ADRA1B: variants seen among roughly 807,000 people sequenced by gnomAD.
ADRA1B encodes the protein alpha-1B adrenergic receptor.
Under a neutral mutation model 17.9 loss-of-function variants are expected in ADRA1B, and 17 were observed. That is an observed-to-expected ratio of 0.95 (90% CI 0.65 to 1.42). The LOEUF is 1.42. ADRA1B is among the 40% of genes most tolerant of loss of function. The probability of loss-of-function intolerance (pLI) is 0.00; values close to 1 mark genes in which losing one functional copy is unlikely to be tolerated. For synonymous variants in ADRA1B, 366 were observed against 327.6 expected, an observed-to-expected ratio of 1.12 and a Z score of -1.27; for missense variants, 681 against 722.1, an observed-to-expected ratio of 0.94 and a Z score of 0.65.
chr5:159,901,422 G>A (rs1272695308), intron 1 of ADRA1B, among the ~76,000 whole-genome samples: 1 of 112,328 alleles, frequency 8.9e-6, no homozygotes. Flanking sequence ...GGAGAAGGGG[G>A]AGGGAGAGGG....
chr5:159,891,447 G>C (rs745565350), intron 1 of ADRA1B, among the ~76,000 whole-genome samples: 3 of 152,122 alleles, frequency 2.0e-5, no homozygotes, highest in Non-Finnish European at 2.9e-5. Context: ...AAGAAGTAGG[G>C]TTCCGCATGA....
At chr5:159,927,329 C>G (rs1453706889) in intron 1 of ADRA1B, among the ~76,000 whole-genome samples, 1 of 149,958 alleles carries the variant, frequency 6.7e-6, no homozygotes, top group Non-Finnish European at 1.5e-5. Flanking sequence ...ATAGAGACCT[C>G]TAAAGGCCTA....
chr5:159,923,946 A>G (rs1341493380), intron 1 of ADRA1B, among the ~76,000 whole-genome samples: 1 of 152,220 alleles, frequency 6.6e-6, no homozygotes, highest in Non-Finnish European at 1.5e-5. Context: ...TGAGGGAACT[A>G]GAGTTCAGAG....
intron 1 of ADRA1B, among the ~76,000 whole-genome samples, chr5:159,955,482 T>G: frequency 6.6e-6 from 1 of 152,178 alleles, no homozygotes; most frequent in South Asian, 2.1e-4. Flanking sequence ...GCATGGAGCC[T>G]AATGGTCTAA....
intron 1 of ADRA1B, among the ~76,000 whole-genome samples, chr5:159,892,756 C>G (rs1185005636): frequency 6.6e-6 from 1 of 152,140 alleles, no homozygotes; most frequent in Non-Finnish European, 1.5e-5. Context: ...TAGGTTGGTT[C>G]CACATCTTTG....
intron 1 of ADRA1B, among the ~76,000 whole-genome samples, chr5:159,907,991 G>T (rs1301774867): frequency 6.9e-6 from 1 of 144,444 alleles, no homozygotes; most frequent in East Asian, 1.9e-4. Flanking sequence ...ACACAGAGTT[G>T]GTTGCCATCA....
rs7727642 is a variant in ADRA1B at position 159,967,640 on chromosome 5, C to T, written c.950-4239C>T. 8.9e-3 allele frequency among the ~76,000 whole-genome samples: 1,361 copies of T among 152,234 alleles called. 27 individuals carry two copies. Among genetic ancestry groups the T allele is most frequent in the African/African-American group, 0.03 (1,230 of 41,536 alleles). ...CAATAACTCAAGAGAGGTTTCAATACGGGTCTGTGTCATCCCAAGTTCTGG... is the reference window on the plus strand; with the variant it reads ...CAATAACTCAAGAGAGGTTTCAATATGGGTCTGTGTCATCCCAAGTTCTGG... On this transcript the variant is annotated intron_variant, in intron 1 of 1. Coordinates refer to ENST00000306675, the MANE Select transcript of ADRA1B (RefSeq NM_000679.4).
At chr5:159,908,499 G>A (rs987848147) in intron 1 of ADRA1B, among the ~76,000 whole-genome samples, 6 of 152,002 alleles carry the variant, frequency 3.9e-5, no homozygotes, top group Non-Finnish European at 5.9e-5. Flanking sequence ...AGCCTGGCAC[G>A]TCCTCCTCTT....
intron 1 of ADRA1B, among the ~76,000 whole-genome samples, chr5:159,906,333 T>C (rs527913840): frequency 1.6e-4 from 24 of 152,344 alleles, no homozygotes; most frequent in African/African-American, 5.8e-4. Flanking sequence ...CTATGAGACA[T>C]TCAACCAAGT....
At position 159,972,385 on chromosome 5, in the gene ADRA1B, G is replaced by C; in HGVS notation, c.1456G>C (p.Gly486Arg). Residue 486 changes from glycine (G) to arginine (R), a missense_variant, in exon 2 of 2, where the codon GGG becomes CGG. Physicochemically the swap from Gly to Arg is moderately radical, Grantham distance 125. This residue lies in a region of ADRA1B where 251 missense variants were observed against 224.9 expected (regional missense o/e 1.12). Coordinates refer to ENST00000306675, the MANE Select transcript of ADRA1B (RefSeq NM_000679.4). ...FKLLTEPESP[G>R]TDGGASNGGC... Reference sequence around the variant, plus strand: ...GCTCCTGACCGAGCCCGAGAGCCCCGGGACCGACGGCGGCGCCAGCAACGG... The same window carrying C: ...GCTCCTGACCGAGCCCGAGAGCCCCCGGACCGACGGCGGCGCCAGCAACGG... 1 of 1,512,484 alleles carries C rather than the reference G, an allele frequency of 6.6e-7. No homozygotes were observed. Among genetic ancestry groups the C allele is most frequent in the Non-Finnish European group, 8.8e-7 (1 of 1,136,412 alleles). 93.7% of individuals were successfully genotyped at this position (1,512,484 alleles called of 1,614,324 possible). A position where few individuals can be genotyped will look rare whatever the true frequency, so the allele number is the denominator to read the frequency against.
intron 1 of ADRA1B, among the ~76,000 whole-genome samples, chr5:159,899,413 G>A (rs1205430560): frequency 6.6e-6 from 1 of 152,084 alleles, no homozygotes; most frequent in Non-Finnish European, 1.5e-5. Flanking sequence ...CAGTGGGAAA[G>A]ACTAACATGA....
downstream of ADRA1B, among the ~76,000 whole-genome samples, chr5:159,976,667 T>G (rs1283204932): frequency 1.4e-5 from 2 of 143,158 alleles, no homozygotes; most frequent in African/African-American, 5.2e-5. Context: ...AAAAAAAAAA[T>G]TGTCCTACAG....
At chr5:159,930,457 C>T (rs1460700963) in intron 1 of ADRA1B, among the ~76,000 whole-genome samples, 5 of 152,196 alleles carry the variant, frequency 3.3e-5, no homozygotes. Context: ...GGCAAAACCC[C>T]TTCTCTACTA....
intron 1 of ADRA1B, among the ~76,000 whole-genome samples, chr5:159,879,145 CT>C (rs1301591037): frequency 6.6e-6 from 1 of 152,144 alleles, no homozygotes; most frequent in East Asian, 1.9e-4. Context: ...TGAATCTAAG[CT>C]GCATCCTCTG....
chr5:159,875,460 T>C (rs1753791595), intron 1 of ADRA1B, among the ~76,000 whole-genome samples: 1 of 152,130 alleles, frequency 6.6e-6, no homozygotes, highest in Non-Finnish European at 1.5e-5. Flanking sequence ...CACAAATATA[T>C]GACCCTGAGA....
intron 1 of ADRA1B, among the ~76,000 whole-genome samples, chr5:159,920,452 A>G (rs530374692): frequency 3.9e-5 from 6 of 152,066 alleles, no homozygotes; most frequent in Non-Finnish European, 8.8e-5. Context: ...GCTTCCACAC[A>G]ATAAAAAGTG....
chr5:159,875,713 C>T (rs1753794422), intron 1 of ADRA1B, among the ~76,000 whole-genome samples: 1 of 152,170 alleles, frequency 6.6e-6, no homozygotes, highest in Non-Finnish European at 1.5e-5. Flanking sequence ...CTTCCTTGTG[C>T]CACACAAGTT....
In ADRA1B at chr5:159,917,449, C is replaced by A. The variant is rs367829656; in HGVS notation, c.544C>A (p.Leu182Ile). ...LSTVISIGPL[L>I]GWKEPAPNDD... ...CACCGTCATCTCCATCGGGCCTCTC[C>A]TTGGGTGGAAGGAGCCGGCACCCAA... Residue 182 changes from leucine to isoleucine, a missense_variant, in exon 1 of 2, where the codon CTT (leucine) becomes ATT (isoleucine). Physicochemically the swap from Leu to Ile is conservative, Grantham distance 5. Coordinates refer to ENST00000306675, the MANE Select transcript of ADRA1B (RefSeq NM_000679.4). 9 of 1,614,082 alleles carry A rather than the reference C, an allele frequency of 5.6e-6. No homozygotes were observed. Among genetic ancestry groups the A allele is most frequent in the Non-Finnish European group, 7.6e-6 (9 of 1,180,044 alleles).
chr5:159,936,656 C>CAA (rs11381811), intron 1 of ADRA1B, among the ~76,000 whole-genome samples: 51 of 146,238 alleles, frequency 3.5e-4, no homozygotes, highest in East Asian at 9.9e-4. Context: ...ATTCAAACCA[C>CAA]AAAAAAAAAA....
Sources: gnomAD v4.1 joint callset for allele counts (sites outside exome capture counted in the v4.1 genomes callset) on GRCh38, gnomAD v4.1.1 for gene constraint, gnomAD v4.1.1 regional missense constraint, MANE v1.5 for transcripts, NCBI Gene and HGNC (gene_info 2026-07-23, HGNC 2026-07-21) for gene names.